Variants in NRXN3 observed in about 807,000 individuals in gnomAD.
The protein encoded by NRXN3 is neurexin 3, also known as neurexin III.
A neutral mutation model predicts 137.6 loss-of-function variants in NRXN3; 32 were observed. That is an observed-to-expected ratio of 0.23 (90% CI 0.18 to 0.31). The LOEUF (loss-of-function observed/expected upper bound fraction) is 0.31, where lower values mean the gene tolerates loss of function less well. Ranked by LOEUF, NRXN3 falls within the 10% of genes least tolerant of loss-of-function variation. The pLI is 1.00. For synonymous variants in NRXN3, 798 were observed against 784.5 expected, an observed-to-expected ratio of 1.02 and a Z score of -0.29; for missense variants, 1,574 against 2,062.5, an observed-to-expected ratio of 0.76 and a Z score of 4.59.
chr14:79,710,007 GTTTT>G (rs1233688304), intron 19 of NRXN3, among the ~76,000 whole-genome samples: 1 of 152,110 alleles, frequency 6.6e-6, no homozygotes, highest in Non-Finnish European at 1.5e-5. Context: ...GAAATAGACA[GTTTT>G]TATGAAAGAG....
At chr14:79,617,398 A>G (rs1033285164) in intron 16 of NRXN3, among the ~76,000 whole-genome samples, 1 of 152,198 alleles carries the variant, frequency 6.6e-6, no homozygotes, top group African/African-American at 2.4e-5. Context: ...TTCACCAATT[A>G]TCTCACCATC....
chr14:79,517,291 C>T (rs2097001279), intron 16 of NRXN3, among the ~76,000 whole-genome samples: 1 of 152,056 alleles, frequency 6.6e-6, no homozygotes, highest in East Asian at 1.9e-4. Flanking sequence ...TATGAACTTT[C>T]TATTGATATT....
chr14:79,814,902 A>G (rs1004037527), intron 20 of NRXN3, among the ~76,000 whole-genome samples: 1 of 152,228 alleles, frequency 6.6e-6, no homozygotes, highest in Non-Finnish European at 1.5e-5. Flanking sequence ...ATGGGAAAAA[A>G]AAACTTTTTA....
chr14:79,629,069 TG>T, intron 16 of NRXN3, among the ~76,000 whole-genome samples: 1 of 152,350 alleles, frequency 6.6e-6, no homozygotes, highest in Non-Finnish European at 1.5e-5. Context: ...CTGGAATTTT[TG>T]AGAAGCAATA....
chr14:78,306,598 G>A (rs144598211), intron 4 of NRXN3, among the ~76,000 whole-genome samples: 1 of 152,256 alleles, frequency 6.6e-6, no homozygotes, highest in East Asian at 1.9e-4. Context: ...TCTTAGGTGT[G>A]TAGGGCAGTG....
intron 20 of NRXN3, among the ~76,000 whole-genome samples, chr14:79,832,751 G>C (rs2099327523): frequency 6.6e-6 from 1 of 151,846 alleles, no homozygotes; most frequent in Non-Finnish European, 1.5e-5. Flanking sequence ...CCCACATTTT[G>C]TTTAAAAAAA....
intron 4 of NRXN3, among the ~76,000 whole-genome samples, chr14:78,435,687 C>G (rs1011675009): frequency 3.9e-5 from 6 of 152,166 alleles, no homozygotes; most frequent in African/African-American, 1.4e-4. Context: ...ATTTTCATCT[C>G]CCACCCAGAA....
intron 10 of NRXN3, among the ~76,000 whole-genome samples, chr14:78,921,214 G>A (rs1195839150): frequency 3.3e-5 from 5 of 152,152 alleles, no homozygotes; most frequent in African/African-American, 1.2e-4. Flanking sequence ...AGGAAGCTGG[G>A]AGAAAGATTT....
intron 19 of NRXN3, among the ~76,000 whole-genome samples, chr14:79,731,454 A>G (rs1429187268): frequency 6.6e-6 from 1 of 152,214 alleles, no homozygotes; most frequent in Non-Finnish European, 1.5e-5. Flanking sequence ...ACTAATCATT[A>G]TATTTTCCAA....
intron 10 of NRXN3, among the ~76,000 whole-genome samples, chr14:78,917,162 G>A (rs1484404040): frequency 1.3e-5 from 2 of 152,090 alleles, no homozygotes; most frequent in African/African-American, 2.4e-5. Flanking sequence ...AAGAATATTC[G>A]ATTAACTGGA....
intron 19 of NRXN3, among the ~76,000 whole-genome samples, chr14:79,744,154 A>G (rs1456928501): frequency 6.6e-6 from 1 of 152,196 alleles, no homozygotes; most frequent in East Asian, 1.9e-4. Flanking sequence ...TACATGCTGC[A>G]TGAGCAGGAA....
intron 4 of NRXN3, among the ~76,000 whole-genome samples, chr14:78,313,874 G>A (rs2078257273): frequency 6.6e-6 from 1 of 152,100 alleles, no homozygotes; most frequent in Non-Finnish European, 1.5e-5. Flanking sequence ...CTAAAAAGAT[G>A]TCTAGCTCTC....
intron 15 of NRXN3, among the ~76,000 whole-genome samples, chr14:79,461,184 C>T (rs1330267163): frequency 1.3e-5 from 2 of 152,108 alleles, no homozygotes; most frequent in East Asian, 1.9e-4. Context: ...GAGTCTTTAT[C>T]CCATTAGTCA....
intron 15 of NRXN3, among the ~76,000 whole-genome samples, chr14:79,427,441 C>A (rs2095670734): frequency 6.6e-6 from 1 of 150,628 alleles, no homozygotes. Context: ...AACACACACA[C>A]AAACACACAC....
chr14:79,358,607 G>GAAAGAAAGAGAAAGAAAGAA (rs10667477), intron 15 of NRXN3, among the ~76,000 whole-genome samples: 26 of 79,978 alleles, frequency 3.3e-4, no homozygotes, highest in African/African-American at 4.6e-4. Flanking sequence ...AAGAAAGAAA[G>GAAAGAAAGAGAAAGAAAGAA]AGAAAGAAAG....
chr14:78,535,139 G>GAA lies in NRXN3; in HGVS notation c.758-109968_758-109967dup, dbSNP rs36069023. 5.2e-3 allele frequency among the ~76,000 whole-genome samples: 686 copies of GAA among 132,126 alleles called. 3 individuals are homozygous for GAA. Among genetic ancestry groups the GAA allele is most frequent in the Middle Eastern group, 0.02 (5 of 256 alleles). The allele number at this position is 132,126 out of a possible 152,430, so 86.7% of individuals were successfully genotyped here. ...AATGTTTCTGTCTTATCTTTTAATT[G>GAA]AAAAAAAAAAAAAAGCCTTCCATTT... is the stretch of plus-strand genomic sequence containing the variant. On this transcript the variant is annotated intron_variant, in intron 4 of 20. Coordinates refer to ENST00000335750, the MANE Select transcript of NRXN3 (RefSeq NM_001330195.2).
At chr14:78,796,839 A>G (rs1440272125) in intron 8 of NRXN3, among the ~76,000 whole-genome samples, 1 of 152,098 alleles carries the variant, frequency 6.6e-6, no homozygotes, top group Non-Finnish European at 1.5e-5. Flanking sequence ...CTCAGGTGCT[A>G]TTCCTAGGAA....
At chr14:79,472,723 C>G (rs1600804002) in intron 16 of NRXN3, among the ~76,000 whole-genome samples, 1 of 152,070 alleles carries the variant, frequency 6.6e-6, no homozygotes, top group East Asian at 1.9e-4. Context: ...GTGACATCTG[C>G]CTATTGACCC....
At chr14:79,278,024 C>T (rs1366505287) in intron 15 of NRXN3, among the ~76,000 whole-genome samples, 1 of 152,158 alleles carries the variant, frequency 6.6e-6, no homozygotes, top group Admixed American at 6.5e-5. Context: ...GCTGTTTCCT[C>T]AACACCTCCT....
Sources: allele counts gnomAD v4.1 joint callset (sites outside exome capture counted in the v4.1 genomes callset), GRCh38; gene constraint gnomAD v4.1.1; transcripts MANE v1.5; gene names NCBI Gene and HGNC (gene_info 2026-07-23, HGNC 2026-07-21).